The following RPL18A variants were observed in gnomAD, a reference collection of about 807,000 sequenced individuals.
The protein encoded by RPL18A is large ribosomal subunit protein eL20.
For missense variants in RPL18A, 163 were observed against 254.1 expected, an observed-to-expected ratio of 0.64 and a Z score of 2.44; for synonymous variants, 122 against 96.9, an observed-to-expected ratio of 1.26 and a Z score of -1.52.
At chr19:17,861,130 G>C (rs956012955) in intron 1 of RPL18A, 163 bp from the exon 2 acceptor site, 6 of 616,120 alleles carry the variant, frequency 9.7e-6, no homozygotes, top group African/African-American at 5.5e-5. Context: ...AGTTGTGGTC[G>C]GGAGTGTGAC....
At chr19:17,862,594 C>T (rs376068376) in intron 3 of RPL18A, 1 of 704,384 alleles carries the variant, frequency 1.4e-6, no homozygotes. Flanking sequence ...CCTGATTGCA[C>T]CTAAACCCAA....
intron 3 of RPL18A, 149 bp from the exon 4 acceptor site, chr19:17,862,769 C>A (rs764399332): frequency 3.9e-6 from 3 of 760,376 alleles, no homozygotes; most frequent in African/African-American, 1.7e-5. Context: ...ATCTCGCTTC[C>A]CCACCACCAC....
In RPL18A at chr19:17,863,313, G is replaced by A. The variant is rs73020701; in HGVS notation, c.*50G>A. ...CCCCAAATAAACTCAGGAACGCCCC[G>A]GTGCTCGCCGCATGTTTTCTTTGCA... On this transcript the variant is annotated 3_prime_UTR_variant, in exon 5 of 5. Coordinates refer to ENST00000222247, the MANE Select transcript of RPL18A (RefSeq NM_000980.4). 1,221 of 1,277,790 alleles carry A rather than the reference G, an allele frequency of 9.6e-4. 3 individuals are homozygous for A. The highest frequency in any genetic ancestry group is 9.8e-4 in the Non-Finnish European group (871 of 893,160). The allele number at this position is 1,277,790 out of a possible 1,614,324, so 79.2% of individuals were successfully genotyped here.
intron 1 of RPL18A, chr19:17,860,320 G>C (rs2094274886): frequency 2.8e-6 from 1 of 359,990 alleles, no homozygotes; most frequent in Admixed American, 5.0e-5. Context: ...TGGCGGTAGA[G>C]CAATAGTGTG....
intron 1 of RPL18A, 23 bp downstream of exon 1, chr19:17,859,997 G>A (rs1599893828): frequency 2.6e-6 from 4 of 1,510,698 alleles, no homozygotes; most frequent in Non-Finnish European, 2.6e-6. Context: ...CGGCGCGGCA[G>A]GGGGCCAAGG....
At chr19:17,861,606 A>G (rs1280523341) in intron 2 of RPL18A, 134 bp downstream of exon 2, 3 of 699,920 alleles carry the variant, frequency 4.3e-6, no homozygotes, top group Non-Finnish European at 7.1e-6. Context: ...ATCAGACATC[A>G]GAGCCCCGGG....
At chr19:17,860,500 G>C (rs1326461904) in intron 1 of RPL18A, among the ~76,000 whole-genome samples, 1 of 152,226 alleles carries the variant, frequency 6.6e-6, no homozygotes, top group Admixed American at 6.5e-5. Flanking sequence ...ATTATGTCCA[G>C]ATCTCCAGCT....
chr19:17,860,086 C>T (rs1183691480), intron 1 of RPL18A, 112 bp downstream of exon 1: 7 of 976,348 alleles, frequency 7.2e-6, no homozygotes, highest in South Asian at 1.9e-5. Flanking sequence ...TTTGGGCCCC[C>T]CTTGGCCGCG....
intron 1 of RPL18A, 42 bp from the exon 2 acceptor site, chr19:17,861,251 C>T (rs2094276752): frequency 5.0e-6 from 8 of 1,586,728 alleles, no homozygotes; most frequent in African/African-American, 1.3e-5. Context: ...TCCACAGTTG[C>T]CTCTGGGTGC....
At chr19:17,861,520 C>T in intron 2 of RPL18A, 48 bp downstream of exon 2, 2 of 1,420,810 alleles carry the variant, frequency 1.4e-6, no homozygotes, top group Non-Finnish European at 1.9e-6. Context: ...ATTTGCGCCT[C>T]TTGGGACATC....
Position 17,863,041 on chromosome 19 carries a change from G to C in RPL18A, c.438+14G>C. 2 of 1,603,694 alleles carry C rather than the reference G, an allele frequency of 1.2e-6. No individual in the cohort carries two copies. On this transcript the variant is annotated intron_variant, in intron 4 of 4. Coordinates refer to ENST00000222247, the MANE Select transcript of RPL18A (RefSeq NM_000980.4). Reference sequence around the variant, plus strand: ...AAGCAGTTCCACGTGAGTGCCCTGGGGGACTCCCCTGGAGGGAAGTGCCTG... The same window carrying C: ...AAGCAGTTCCACGTGAGTGCCCTGGCGGACTCCCCTGGAGGGAAGTGCCTG...
Position 17,860,195 on chromosome 19 carries a change from C to T in RPL18A, c.18+221C>T, listed in dbSNP as rs1038439411. On this transcript the variant is annotated intron_variant, in intron 1 of 4. Coordinates refer to ENST00000222247, the MANE Select transcript of RPL18A (RefSeq NM_000980.4). ...GGCCAGCTCAGGGATCGCGGGGGCC[C>T]AAGGACTCCGGGTCTTCTTCCCGGG... 119 of 517,062 alleles carry T rather than the reference C, an allele frequency of 2.3e-4. 1 individual carries two copies. The highest frequency in any genetic ancestry group is 2.0e-3 in the South Asian group (69 of 35,350). 32.0% of individuals were successfully genotyped at this position (517,062 alleles called of 1,614,324 possible). A position where few individuals can be genotyped will look rare whatever the true frequency, so the allele number is the denominator to read the frequency against.
At chr19:17,860,074 T>C (rs2094274320) in intron 1 of RPL18A, 100 bp downstream of exon 1, 4 of 1,131,644 alleles carry the variant, frequency 3.5e-6, no homozygotes, top group Non-Finnish European at 4.8e-6. Context: ...CGCGCGCTTC[T>C]GTTTGGGCCC....
chr19:17,859,962 G>A lies in RPL18A; in HGVS notation c.6G>A (p.Lys2=). Residue 2 remains lysine, a synonymous_variant, in exon 1 of 5, where the codon AAG becomes AAA. Transcript: ENST00000222247. M[K]ASGTLREYKV... is the part of the protein sequence containing the mutation. ...GCGAACGCGGAGAGCACGCCATGAA[G>A]GCCTCGGGCACGGTAAGGCGGGCGC... 6.5e-7 allele frequency: 1 copy of A among 1,538,886 alleles called. No individual in the cohort carries two copies. Among genetic ancestry groups the A allele is most frequent in the Non-Finnish European group, 8.7e-7 (1 of 1,143,610 alleles).
chr19:17,863,138 C>T (rs1212896069), intron 4 of RPL18A, 33 bp from the exon 5 acceptor site: 6 of 1,582,242 alleles, frequency 3.8e-6, no homozygotes, highest in South Asian at 1.1e-5. Context: ...TAAGAGGCTT[C>T]CAACCCCCTC....
chr19:17,861,756 TAAGTG>T, intron 2 of RPL18A: 1 of 546,462 alleles, frequency 1.8e-6, no homozygotes, highest in Non-Finnish European at 3.3e-6. Context: ...CCCTGTCTGT[TAAGTG>T]AGGAGAGGTG....
At chr19:17,862,650 G>A (rs2094279595) in intron 3 of RPL18A, 1 of 740,484 alleles carries the variant, frequency 1.4e-6, no homozygotes, top group African/African-American at 1.7e-5. Flanking sequence ...GGTGCAAACA[G>A]CAAGCGGATC....
intron 1 of RPL18A, chr19:17,860,235 G>T: frequency 4.0e-6 from 2 of 497,264 alleles, no homozygotes; most frequent in Non-Finnish European, 7.0e-6. Flanking sequence ...GGAATAAGTC[G>T]CGCAGCATAG....
chr19:17,859,914 G>A lies in RPL18A; in HGVS notation c.-43G>A, dbSNP rs772793205. ...CCTGGTGAACGGCTGCGCGACAGAG[G>A]ACACTTCCTTTTGCGGGTGGCGGCG... On this transcript the variant is annotated 5_prime_UTR_variant, in exon 1 of 5. Coordinates refer to ENST00000222247, the MANE Select transcript of RPL18A (RefSeq NM_000980.4). 6.7e-5 allele frequency: 104 copies of A among 1,542,384 alleles called. No individual in the cohort carries two copies. The Middle Eastern group carries it at 6.8e-4, about 10-fold the overall frequency.
Sources: gnomAD v4.1 joint callset for allele counts (sites outside exome capture counted in the v4.1 genomes callset) on GRCh38, gnomAD v4.1.1 for gene constraint, MANE v1.5 for transcripts, NCBI Gene and HGNC (gene_info 2026-07-23, HGNC 2026-07-21) for gene names.